FANCC: variants seen among roughly 807,000 people sequenced by gnomAD.
FANCC encodes the protein Fanconi anemia group C protein.
A neutral mutation model predicts 71.3 loss-of-function variants in FANCC; 55 were observed. That is an observed-to-expected ratio of 0.77 (90% CI 0.62 to 0.97). The LOEUF (loss-of-function observed/expected upper bound fraction) is 0.97, where lower values mean the gene tolerates loss of function less well. FANCC is among the 50% of genes least tolerant of loss of function. FANCC has a pLI of 0.00. For synonymous variants in FANCC, 275 were observed against 244.9 expected, an observed-to-expected ratio of 1.12 and a Z score of -1.15; for missense variants, 678 against 670.9, an observed-to-expected ratio of 1.01 and a Z score of -0.12.
chr9:95,118,680 T>C lies in FANCC; in HGVS notation c.997-1290A>G, dbSNP rs149084373. ...GGAACATAAAGTATGTTTTCTTTTGTGTCTGGCTTCTTGGGCTCAACATAT... is the reference window on the plus strand; with the variant it reads ...GGAACATAAAGTATGTTTTCTTTTGCGTCTGGCTTCTTGGGCTCAACATAT... On this transcript the variant is annotated intron_variant, in intron 10 of 14. Transcript: ENST00000289081. 7.0e-3 allele frequency among the ~76,000 whole-genome samples: 1,065 copies of C among 152,378 alleles called. 6 individuals carry two copies. The highest frequency in any genetic ancestry group is 0.012 in the Non-Finnish European group (793 of 68,042).
chr9:95,187,942 A>G (rs1826832313), intron 4 of FANCC, among the ~76,000 whole-genome samples: 1 of 151,348 alleles, frequency 6.6e-6, no homozygotes, highest in African/African-American at 2.4e-5. Flanking sequence ...TTTAGGTTCA[A>G]TGAGTAGTTC....
chr9:95,184,127 T>A (rs906496668), intron 4 of FANCC, among the ~76,000 whole-genome samples: 2 of 152,108 alleles, frequency 1.3e-5, no homozygotes, highest in African/African-American at 2.4e-5. Flanking sequence ...CCCCTTTTTT[T>A]AATGTAAACA....
intron 10 of FANCC, among the ~76,000 whole-genome samples, chr9:95,118,022 TTTTG>T (rs1462367562): frequency 6.7e-6 from 1 of 149,258 alleles, no homozygotes; most frequent in Non-Finnish European, 1.5e-5. Context: ...CCCGGCTTGT[TTTTG>T]TTTTTTTATT....
chr9:95,263,249 C>T (rs1489368552), intron 1 of FANCC, among the ~76,000 whole-genome samples: 1 of 152,084 alleles, frequency 6.6e-6, no homozygotes, highest in Non-Finnish European at 1.5e-5. Context: ...CAGGGCTGCA[C>T]ACACTGCTAG....
At chr9:95,214,814 G>C (rs1431092104) in intron 4 of FANCC, among the ~76,000 whole-genome samples, 1 of 152,212 alleles carries the variant, frequency 6.6e-6, no homozygotes, top group African/African-American at 2.4e-5. Flanking sequence ...AAATCACAGA[G>C]AGAGAATGTA....
intron 4 of FANCC, among the ~76,000 whole-genome samples, chr9:95,212,152 G>C (rs1240365071): frequency 6.6e-6 from 1 of 152,098 alleles, no homozygotes; most frequent in Non-Finnish European, 1.5e-5. Flanking sequence ...AACACTGATA[G>C]AATTCAAGTC....
intron 4 of FANCC, among the ~76,000 whole-genome samples, chr9:95,220,087 C>T (rs1829138480): frequency 6.6e-6 from 1 of 152,198 alleles, no homozygotes; most frequent in African/African-American, 2.4e-5. Flanking sequence ...CAAAAGAACA[C>T]ATTTATGCAG....
chr9:95,158,877 C>T (rs1186706829), intron 6 of FANCC, among the ~76,000 whole-genome samples: 3 of 152,102 alleles, frequency 2.0e-5, no homozygotes. Flanking sequence ...AAGGCAAGAC[C>T]TATGAAGAAT....
chr9:95,300,257 T>C (rs1055189554), intron 1 of FANCC, among the ~76,000 whole-genome samples: 18 of 151,904 alleles, frequency 1.2e-4, no homozygotes, highest in African/African-American at 4.4e-4. Context: ...CTGGTAATGG[T>C]AAGATTAAGA....
At chr9:95,263,996 G>A (rs968843423) in intron 1 of FANCC, among the ~76,000 whole-genome samples, 3 of 152,084 alleles carry the variant, frequency 2.0e-5, no homozygotes, top group South Asian at 2.1e-4. Flanking sequence ...TACTCAGAAC[G>A]GTAACAGTCA....
chr9:95,187,485 G>A (rs952892188), intron 4 of FANCC, among the ~76,000 whole-genome samples: 102 of 152,184 alleles, frequency 6.7e-4, no homozygotes, highest in Non-Finnish European at 9.0e-4. Context: ...GAAAACCGGA[G>A]GGCCTAAGTC....
In FANCC at chr9:95,175,711, G is replaced by A. The variant is rs371177031; in HGVS notation, c.346-3564C>T. On this transcript the variant is annotated intron_variant, in intron 4 of 14. Transcript: ENST00000289081. ...TGGACTCCACTGAACTTGCGAAGGC[G>A]GAGGGTGGGGCCTGCACAGCAGGGA... 3.1e-4 allele frequency among the ~76,000 whole-genome samples: 47 copies of A among 152,362 alleles called. No homozygotes were observed. In the South Asian group the frequency reaches 9.3e-3, roughly 30 times the overall value.
chr9:95,246,553 C>T (rs1387777833), intron 3 of FANCC, among the ~76,000 whole-genome samples: 1 of 152,198 alleles, frequency 6.6e-6, no homozygotes, highest in Non-Finnish European at 1.5e-5. Flanking sequence ...AAGCAAACCT[C>T]AGCCATGTTC....
At chr9:95,123,687 C>A in intron 10 of FANCC, 1 of 668,592 alleles carries the variant, frequency 1.5e-6, no homozygotes. Flanking sequence ...ATTTCTGAAG[C>A]GAGCGTCTTT....
intron 3 of FANCC, among the ~76,000 whole-genome samples, chr9:95,245,581 G>T (rs1337566274): frequency 1.3e-5 from 2 of 151,432 alleles, no homozygotes; most frequent in Non-Finnish European, 2.9e-5. Context: ...TGTTACAGTT[G>T]ATTTATTGTA....
At chr9:95,221,832 C>T (rs188882086) in intron 4 of FANCC, among the ~76,000 whole-genome samples, 2 of 152,180 alleles carry the variant, frequency 1.3e-5, no homozygotes, top group South Asian at 2.1e-4. Flanking sequence ...TCCATGAGGA[C>T]GACTAAGATA....
intron 1 of FANCC, among the ~76,000 whole-genome samples, chr9:95,313,020 G>A (rs373673529): frequency 1.3e-5 from 2 of 152,334 alleles, no homozygotes; most frequent in African/African-American, 2.4e-5. Context: ...GGGGGATGCT[G>A]AGGTACACAG....
At chr9:95,297,789 G>T (rs576788846) in intron 1 of FANCC, among the ~76,000 whole-genome samples, 18 of 152,256 alleles carry the variant, frequency 1.2e-4, no homozygotes, top group African/African-American at 4.3e-4. Context: ...TTTACTAATG[G>T]ACAAAATGTC....
At chr9:95,271,679 G>C (rs146866067) in intron 1 of FANCC, among the ~76,000 whole-genome samples, 35 of 151,928 alleles carry the variant, frequency 2.3e-4, no homozygotes, top group African/African-American at 8.0e-4. Flanking sequence ...GGAGGTGTAT[G>C]AATTGCAAAT....
Sources: gnomAD v4.1 joint callset for allele counts (sites outside exome capture counted in the v4.1 genomes callset) on GRCh38, gnomAD v4.1.1 for gene constraint, MANE v1.5 for transcripts, NCBI Gene and HGNC (gene_info 2026-07-23, HGNC 2026-07-21) for gene names.